Variants in POU2AF2 observed in about 807,000 individuals in gnomAD.
The protein encoded by POU2AF2 is POU class 2 homeobox associating factor 2.
the POU2AF2 span, among the ~76,000 whole-genome samples, chr11:111,250,221 AAT>A: frequency 6.6e-6 from 1 of 151,838 alleles, no homozygotes; most frequent in Admixed American, 6.6e-5. Flanking sequence ...AGGTCTCTTA[AAT>A]ATGTCCTTTC....
chr11:111,273,959 C>T, the POU2AF2 span, among the ~76,000 whole-genome samples: 5 of 152,288 alleles, frequency 3.3e-5, no homozygotes, highest in South Asian at 4.1e-4. Flanking sequence ...TATACCATCT[C>T]GCTTGGTCAA....
At chr11:111,275,681 C>T in the POU2AF2 span, among the ~76,000 whole-genome samples, 2 of 152,096 alleles carry the variant, frequency 1.3e-5, no homozygotes, top group Non-Finnish European at 2.9e-5. Context: ...TCCACATGAA[C>T]AATAGACAAT....
the POU2AF2 span, chr11:111,285,998 G>A: frequency 1.9e-6 from 3 of 1,613,976 alleles, no homozygotes; most frequent in South Asian, 2.2e-5. Context: ...TTCCCCTTGG[G>A]TGAAAGAAGA....
At chr11:111,264,151 A>G in the POU2AF2 span, among the ~76,000 whole-genome samples, 1 of 152,272 alleles carries the variant, frequency 6.6e-6, no homozygotes, top group Non-Finnish European at 1.5e-5. Context: ...ATCAGTAAAC[A>G]TGAGGGAGGT....
At chr11:111,258,005 C>T in the POU2AF2 span, among the ~76,000 whole-genome samples, 1 of 152,166 alleles carries the variant, frequency 6.6e-6, no homozygotes, top group African/African-American at 2.4e-5. Flanking sequence ...GTAATGTCAG[C>T]TACTCAGGAG....
At chr11:111,278,729 T>C in the POU2AF2 span, among the ~76,000 whole-genome samples, 1 of 152,250 alleles carries the variant, frequency 6.6e-6, no homozygotes, top group Non-Finnish European at 1.5e-5. Flanking sequence ...ATGCAGTCTA[T>C]GGTATTTTTC....
the POU2AF2 span, among the ~76,000 whole-genome samples, chr11:111,262,264 G>A: frequency 6.6e-6 from 1 of 152,184 alleles, no homozygotes; most frequent in Non-Finnish European, 1.5e-5. Context: ...GGAACAGAAG[G>A]TGAATAGGCA....
chr11:111,264,577 G>GAAAGAAAGAAAGAAAGAAA, the POU2AF2 span, among the ~76,000 whole-genome samples: 3 of 22,954 alleles, frequency 1.3e-4, 1 homozygote, highest in East Asian at 1.0e-3. Context: ...AGAAAGAAAG[G>GAAAGAAAGAAAGAAAGAAA]GAGAGAGAAA....
At chr11:111,264,569 A>AG in the POU2AF2 span, among the ~76,000 whole-genome samples, 15 of 39,958 alleles carry the variant, frequency 3.8e-4, no homozygotes, top group African/African-American at 1.3e-3. Context: ...AGAAAGAAAG[A>AG]AAGAAAGGGA....
the POU2AF2 span, among the ~76,000 whole-genome samples, chr11:111,266,328 T>C: frequency 6.6e-6 from 1 of 152,064 alleles, no homozygotes; most frequent in Non-Finnish European, 1.5e-5. Context: ...CTCAGTAGAT[T>C]TTCCCAGACC....
the POU2AF2 span, chr11:111,285,969 C>T: frequency 6.2e-7 from 1 of 1,614,014 alleles, no homozygotes; most frequent in Non-Finnish European, 8.5e-7. Context: ...GAAGCAGACA[C>T]CGGTTCCCTC....
chr11:111,272,042 T>C, the POU2AF2 span, among the ~76,000 whole-genome samples: 2 of 152,152 alleles, frequency 1.3e-5, no homozygotes, highest in African/African-American at 4.8e-5. Context: ...TATAACCTGG[T>C]TCCTGCATCT....
chr11:111,285,529 G>A, the POU2AF2 span: 1 of 983,766 alleles, frequency 1.0e-6, no homozygotes, highest in South Asian at 1.8e-5. Flanking sequence ...CAGCCTGAGA[G>A]CCAGGCTTCA....
chr11:111,259,785 G>GCATAGATGATATGAACTCATCTTAAA, the POU2AF2 span, among the ~76,000 whole-genome samples: 1 of 152,184 alleles, frequency 6.6e-6, no homozygotes, highest in African/African-American at 2.4e-5. Context: ...GGCATCAAGT[G>GCATAGATGATATGAACTCATCTTAAA]CATAGATGAT....
the POU2AF2 span, among the ~76,000 whole-genome samples, chr11:111,268,762 G>A: frequency 2.0e-5 from 3 of 151,662 alleles, no homozygotes; most frequent in South Asian, 2.1e-4. Context: ...TGGTCAGGCC[G>A]GTCTTGAACT....
chr11:111,252,451 C>G, the POU2AF2 span, among the ~76,000 whole-genome samples: 92 of 152,178 alleles, frequency 6.0e-4, no homozygotes, highest in African/African-American at 2.1e-3. Context: ...ATTTGAGAAT[C>G]ACCGACGTAT....
chr11:111,281,296 C>G, the POU2AF2 span: 1 of 947,418 alleles, frequency 1.1e-6, no homozygotes, highest in African/African-American at 1.7e-5. Flanking sequence ...CCAGATAATA[C>G]TTCTGAATAT....
the POU2AF2 span, among the ~76,000 whole-genome samples, chr11:111,257,641 T>C: frequency 0.043 from 6,594 of 152,228 alleles, 365 homozygotes; most frequent in East Asian, 0.27. Flanking sequence ...CTCAGAGTGC[T>C]GGGATTACAG....
the POU2AF2 span, among the ~76,000 whole-genome samples, chr11:111,254,763 T>A: frequency 2.0e-5 from 3 of 152,198 alleles, no homozygotes; most frequent in African/African-American, 7.2e-5. Context: ...GATTAGAGAA[T>A]AATTTTGGTT....
Sources: gnomAD v4.1 joint callset for allele counts (sites outside exome capture counted in the v4.1 genomes callset) on GRCh38, gnomAD v4.1.1 for gene constraint, MANE v1.5 for transcripts, NCBI Gene and HGNC (gene_info 2026-07-23, HGNC 2026-07-21) for gene names.